Variants in USP9X observed in about 807,000 individuals in gnomAD.
USP9X encodes ubiquitin specific peptidase 9 X-linked.
Under a neutral mutation model 190.3 loss-of-function variants are expected in USP9X, and 7 were observed. The ratio of observed to expected loss-of-function variants is 0.04; its 90% CI spans 0.02 to 0.07. The LOEUF is 0.07. Ranked by LOEUF, USP9X falls within the 10% of genes least tolerant of loss-of-function variation. USP9X has a pLI of 1.00. For missense variants in USP9X, 1,010 were observed against 1,916.9 expected (o/e 0.53, Z 8.83); for synonymous variants, 645 against 659.5 (o/e 0.98, Z 0.34).
rs1429225235 is a variant in USP9X at position 41,214,716 on chromosome X, G to A, written c.5331+7G>A. 9.3e-6 allele frequency: 11 copies of A among 1,186,022 alleles called. No individual in the cohort carries two copies. The highest frequency in any genetic ancestry group is 3.1e-5 in the East Asian group (1 of 32,726). On this transcript the variant is annotated splice_region_variant and intron_variant, in intron 34 of 44. Transcript: ENST00000378308. ...TGAAAAATGCAATAAAAAGGTACGG[G>A]CTGTCCAGTTTTGTTTAATTTTGAT... is the stretch of plus-strand genomic sequence containing the variant.
intron 1 of USP9X, among the ~76,000 whole-genome samples, chrX:41,123,145 A>G (rs1246884030): frequency 8.9e-6 from 1 of 111,871 alleles, no homozygotes; most frequent in African/African-American, 3.3e-5. Context: ...TTACAGTGTA[A>G]TGAATGCATC....
chrX:41,129,864 GTTTT>G (rs1028827738), intron 3 of USP9X, among the ~76,000 whole-genome samples: 1 of 110,349 alleles, frequency 9.1e-6, no homozygotes, highest in Non-Finnish European at 1.9e-5. Context: ...GCTTTACTGA[GTTTT>G]TTTTTAAATT....
At chrX:41,107,138 C>G (rs1312097562) in intron 1 of USP9X, among the ~76,000 whole-genome samples, 1 of 110,371 alleles carries the variant, frequency 9.1e-6, no homozygotes, top group East Asian at 2.9e-4. Context: ...CCCGCCCTGG[C>G]CTCCCAAAGT....
At position 41,214,602 on chromosome X, in the gene USP9X, G is replaced by A. The variant is rs1277274504; in HGVS notation, c.5224G>A (p.Val1742Ile). 3 of 1,189,790 alleles carry A rather than the reference G, an allele frequency of 2.5e-6. No individual in the cohort carries two copies. The highest frequency in any genetic ancestry group is 6.1e-5 in the East Asian group (2 of 32,780). Residue 1742 changes from valine (V) to isoleucine (I), a missense_variant, in exon 34 of 45, where the codon GTA becomes ATA. By Grantham distance (29) the Val-to-Ile change is conservative. This residue lies in a region of USP9X where 120 missense variants were observed against 342.7 expected (regional missense o/e 0.35). Transcript: ENST00000378308. The stretch of plus-strand genomic sequence containing the variant: ...TGAAGAATCTTTTACGACCCTAAAC[G>A]TAGACATTAGAAATCACCAAAATCT... ...ECEESFTTLN[V>I]DIRNHQNLLD...
At position 41,184,427 on chromosome X, in the gene USP9X, G is replaced by T; in HGVS notation, c.3310G>T (p.Ala1104Ser). The T allele has an allele frequency of 8.3e-7, 1 of 1,210,461 alleles. No individual in the cohort carries two copies. Among genetic ancestry groups the T allele is most frequent in the Non-Finnish European group, 1.1e-6 (1 of 895,126 alleles). Reference protein sequence around the residue: ...VVYALLMPAGAPLADDSSDFQ... With the variant: ...VVYALLMPAGSPLADDSSDFQ... Reference sequence around the variant, plus strand: ...CTATGCCTTGTTAATGCCTGCTGGTGCACCTCTGGCTGATGATTCCTCTGA... The same window carrying T: ...CTATGCCTTGTTAATGCCTGCTGGTTCACCTCTGGCTGATGATTCCTCTGA... The change falls in exon 23 of 45, where the codon GCA (alanine) becomes TCA (serine). Residue 1104 changes from alanine to serine, a missense_variant. Around this residue, in one of 11 missense-constraint regions of USP9X, gnomAD observed 351 missense variants for 480.8 expected, o/e 0.73. Coordinates refer to ENST00000378308, the MANE Select transcript of USP9X (RefSeq NM_001039591.3).
At chrX:41,206,954 T>C (rs1272774268) in intron 32 of USP9X, among the ~76,000 whole-genome samples, 1 of 107,343 alleles carries the variant, frequency 9.3e-6, no homozygotes, top group African/African-American at 3.4e-5. Context: ...CCCGGCCAAG[T>C]TTTGTATTTT....
intron 1 of USP9X, among the ~76,000 whole-genome samples, chrX:41,090,184 G>A (rs997060511): frequency 2.7e-5 from 3 of 109,634 alleles, no homozygotes; most frequent in Non-Finnish European, 3.8e-5. Context: ...TAGGATTCCC[G>A]GCATGAGCGA....
intron 1 of USP9X, among the ~76,000 whole-genome samples, chrX:41,121,896 G>A (rs113511805): frequency 0.13 from 14,765 of 111,184 alleles, 898 homozygotes; most frequent in East Asian, 0.22. Context: ...GCATTCTCCT[G>A]TACTTGTTTG....
In USP9X at chrX:41,236,484, C is replaced by T. The variant is rs1329718314; in HGVS notation, c.*3960C>T. 8.9e-6 allele frequency: 1 copy of T among 112,370 alleles called. No individual in the cohort carries two copies. Among genetic ancestry groups the T allele is most frequent in the Non-Finnish European group, 1.9e-5 (1 of 53,208 alleles). 9.3% of individuals were successfully genotyped at this position (112,370 alleles called of 1,213,427 possible). A position where few individuals can be genotyped will look rare whatever the true frequency, so the allele number is the denominator to read the frequency against. The stretch of plus-strand genomic sequence containing the variant: ...GAAATTTCACCACCCAAGTCATGCA[C>T]TTCTTAGCCTTTTACAAGCCAACAG... On this transcript the variant is annotated 3_prime_UTR_variant, in exon 45 of 45. Transcript: ENST00000378308.
intron 1 of USP9X, among the ~76,000 whole-genome samples, chrX:41,106,839 A>G (rs1601938368): frequency 2.3e-5 from 2 of 87,790 alleles, no homozygotes; most frequent in Admixed American, 2.5e-4. Flanking sequence ...CCCTGAATTC[A>G]TTTTTGAAAT....
At chrX:41,117,730 A>G (rs1385088380) in intron 1 of USP9X, among the ~76,000 whole-genome samples, 1 of 106,646 alleles carries the variant, frequency 9.4e-6, no homozygotes, top group Admixed American at 1.0e-4. Context: ...GGCGCCCGCT[A>G]TTGTATGTTT....
intron 26 of USP9X, among the ~76,000 whole-genome samples, chrX:41,191,795 T>C (rs983666232): frequency 1.8e-5 from 2 of 112,116 alleles, no homozygotes; most frequent in Non-Finnish European, 3.8e-5. Context: ...CTTTGAGAAT[T>C]GGAAAGGCCA....
At chrX:41,175,837 TCCTC>T (rs199561516) in intron 21 of USP9X, among the ~76,000 whole-genome samples, 14,246 of 110,364 alleles carry the variant, frequency 0.13, 870 homozygotes, top group East Asian at 0.21. Flanking sequence ...TCACACGACT[TCCTC>T]CCATCCCAGC....
chrX:41,228,865 C>T (rs7063068), intron 41 of USP9X: 15,420 of 114,824 alleles, frequency 0.13, 954 homozygotes, highest in East Asian at 0.22. Context: ...TGCCTGTAAT[C>T]CCAGCACTTT....
chrX:41,123,382 G>A, intron 1 of USP9X, 89 bp from the exon 2 acceptor site: 1 of 338,512 alleles, frequency 3.0e-6, no homozygotes, highest in East Asian at 5.6e-5. Context: ...TTCCTGATTA[G>A]ATTCACTGGT....
intron 14 of USP9X, among the ~76,000 whole-genome samples, chrX:41,156,445 A>G (rs1485308574): frequency 1.8e-5 from 2 of 111,962 alleles, no homozygotes; most frequent in African/African-American, 3.3e-5. Context: ...CCAGGCAGTC[A>G]TGTCCAAGAA....
At chrX:41,209,003 C>T (rs746393811) in intron 32 of USP9X, among the ~76,000 whole-genome samples, 36 of 111,588 alleles carry the variant, frequency 3.2e-4, no homozygotes, top group East Asian at 1.7e-3. Flanking sequence ...CCACCGCGCC[C>T]GGCCTTTTTT....
At chrX:41,223,961 G>A (rs1158462770) in intron 39 of USP9X, among the ~76,000 whole-genome samples, 1 of 111,361 alleles carries the variant, frequency 9.0e-6, no homozygotes, top group East Asian at 2.8e-4. Context: ...CCTATGCTTT[G>A]GGGGAGGCCA....
At chrX:41,230,451 A>G in intron 43 of USP9X, 50 bp from the exon 44 acceptor site, 1 of 1,103,871 alleles carries the variant, frequency 9.1e-7, no homozygotes, top group African/African-American at 1.8e-5. Flanking sequence ...AGTTAAAAGT[A>G]AACTTGAGTT....
Sources: allele counts gnomAD v4.1 joint callset (sites outside exome capture counted in the v4.1 genomes callset), GRCh38; gene constraint gnomAD v4.1.1; regional missense constraint gnomAD v4.1.1; transcripts MANE v1.5; gene names NCBI Gene and HGNC (gene_info 2026-07-23, HGNC 2026-07-21).